Variants in BMPR1B observed in about 807,000 individuals in gnomAD.
BMPR1B encodes the protein bone morphogenetic protein receptor type-1B.
In BMPR1B, 12 loss-of-function variants were observed where a neutral mutation model predicts 59.1. The observed-to-expected ratio is 0.20, with a 90% CI of 0.13 to 0.33. The LOEUF is 0.33. BMPR1B is among the 10% of genes least tolerant of loss of function. The pLI, the probability that BMPR1B is intolerant of heterozygous loss-of-function variation, is 1.00. For synonymous variants in BMPR1B, 237 were observed against 207.3 expected, an observed-to-expected ratio of 1.14 and a Z score of -1.23; for missense variants, 550 against 610.9, an observed-to-expected ratio of 0.90 and a Z score of 1.05.
At chr4:95,109,586 G>A (rs1378945378) in intron 4 of BMPR1B, among the ~76,000 whole-genome samples, 1 of 151,836 alleles carries the variant, frequency 6.6e-6, no homozygotes, top group Non-Finnish European at 1.5e-5. Context: ...TTTTTTCCAC[G>A]GTTGCCCAGG....
intron 2 of BMPR1B, among the ~76,000 whole-genome samples, chr4:94,986,935 G>A (rs941367810): frequency 5.3e-5 from 8 of 151,074 alleles, no homozygotes; most frequent in Non-Finnish European, 8.8e-5. Flanking sequence ...CAGCTACTCG[G>A]GAGGCTGAGG....
chr4:95,091,847 T>G lies in BMPR1B; in HGVS notation c.-17-12561T>G, dbSNP rs546108659. On this transcript the variant is annotated intron_variant, in intron 3 of 12. Coordinates refer to ENST00000515059, the MANE Select transcript of BMPR1B (RefSeq NM_001203.3). ...ATACCATGTAGCCGAACTCTTCTGGTAGTGTATAATTTAGCTTACTTTTAA... is the reference window on the plus strand; with the variant it reads ...ATACCATGTAGCCGAACTCTTCTGGGAGTGTATAATTTAGCTTACTTTTAA... 3.1e-4 allele frequency among the ~76,000 whole-genome samples: 47 copies of G among 152,154 alleles called. No homozygotes were observed. In the South Asian group the frequency reaches 8.7e-3, roughly 28 times the overall value.
intron 4 of BMPR1B, 71 bp from the exon 5 acceptor site, chr4:95,114,645 GACAC>G (rs10622489): frequency 6.3e-4 from 623 of 985,854 alleles, no homozygotes; most frequent in Non-Finnish European, 7.9e-4. Flanking sequence ...TTTTCCCCTA[GACAC>G]ACACACACAC....
intron 1 of BMPR1B, among the ~76,000 whole-genome samples, chr4:94,852,118 A>G (rs984255236): frequency 1.3e-5 from 2 of 152,166 alleles, no homozygotes; most frequent in Non-Finnish European, 2.9e-5. Context: ...ATTATTTCTT[A>G]CAAATACAAA....
intron 1 of BMPR1B, among the ~76,000 whole-genome samples, chr4:94,842,393 A>C (rs141252261): frequency 1.3e-5 from 2 of 152,210 alleles, no homozygotes; most frequent in Admixed American, 1.3e-4. Context: ...ACTATTTGTT[A>C]AATACCACAT....
intron 2 of BMPR1B, among the ~76,000 whole-genome samples, chr4:94,962,897 A>G (rs1427664681): frequency 6.6e-6 from 1 of 152,110 alleles, no homozygotes; most frequent in African/African-American, 2.4e-5. Context: ...GAACCTTCAT[A>G]CTGTTCTCCA....
At chr4:95,031,588 A>G (rs994665445) in intron 3 of BMPR1B, among the ~76,000 whole-genome samples, 4 of 152,238 alleles carry the variant, frequency 2.6e-5, no homozygotes, top group Admixed American at 6.5e-5. Context: ...CTTTTCAAGT[A>G]GCTGGGACTA....
rs923354806 is a variant in BMPR1B at position 94,858,965 on chromosome 4, A to C, written c.-182-16866A>C. 3.3e-5 allele frequency among the ~76,000 whole-genome samples: 5 copies of C among 152,364 alleles called. No individual in the cohort carries two copies. The South Asian group carries it at 1.0e-3, about 32-fold the overall frequency. On this transcript the variant is annotated intron_variant, in intron 1 of 12. Coordinates refer to ENST00000515059, the MANE Select transcript of BMPR1B (RefSeq NM_001203.3). ...TGTTCTATTTTCTCTTTTTCTTTAG[A>C]GATGACTACCTTTGTTTTTGCAATT... is the stretch of plus-strand genomic sequence containing the variant.
intron 10 of BMPR1B, among the ~76,000 whole-genome samples, chr4:95,147,101 T>C (rs1219077465): frequency 6.6e-6 from 1 of 152,152 alleles, no homozygotes; most frequent in African/African-American, 2.4e-5. Context: ...TTTAACGTCT[T>C]AACTTTTATT....
chr4:94,958,564 G>A (rs889497610), intron 2 of BMPR1B, among the ~76,000 whole-genome samples: 5 of 151,976 alleles, frequency 3.3e-5, no homozygotes, highest in Non-Finnish European at 5.9e-5. Context: ...TTATAAGAAC[G>A]CCAGTCATGT....
chr4:95,123,972 C>A, intron 7 of BMPR1B, 66 bp downstream of exon 7: 1 of 1,143,978 alleles, frequency 8.7e-7, no homozygotes, highest in Non-Finnish European at 1.3e-6. Context: ...TAATATTCTG[C>A]TTTTGCCTGT....
At chr4:94,907,071 T>C (rs1728072300) in intron 2 of BMPR1B, among the ~76,000 whole-genome samples, 1 of 152,058 alleles carries the variant, frequency 6.6e-6, no homozygotes, top group African/African-American at 2.4e-5. Context: ...AGTTCTCAGC[T>C]TCAGATCAGT....
At chr4:94,852,624 G>A (rs1725609841) in intron 1 of BMPR1B, among the ~76,000 whole-genome samples, 1 of 151,952 alleles carries the variant, frequency 6.6e-6, no homozygotes, top group Non-Finnish European at 1.5e-5. Context: ...TTAATCAGTA[G>A]CATTTTCTTC....
chr4:94,800,901 T>C (rs1343448819), intron 1 of BMPR1B, among the ~76,000 whole-genome samples: 1 of 152,172 alleles, frequency 6.6e-6, no homozygotes, highest in Non-Finnish European at 1.5e-5. Context: ...ATACAACCTA[T>C]TGTGGTCCTT....
At chr4:95,090,176 T>C (rs943784015) in intron 3 of BMPR1B, among the ~76,000 whole-genome samples, 1 of 152,062 alleles carries the variant, frequency 6.6e-6, no homozygotes, top group Non-Finnish European at 1.5e-5. Context: ...CATATTTTTT[T>C]CTAACAAAAT....
intron 2 of BMPR1B, among the ~76,000 whole-genome samples, chr4:94,880,448 A>G (rs936213965): frequency 3.3e-5 from 5 of 151,986 alleles, no homozygotes; most frequent in Non-Finnish European, 7.4e-5. Context: ...CAGCCTCCTG[A>G]GTAGCAGGGA....
chr4:94,963,347 G>A (rs982514034), intron 2 of BMPR1B, among the ~76,000 whole-genome samples: 6 of 151,880 alleles, frequency 4.0e-5, no homozygotes, highest in Non-Finnish European at 5.9e-5. Context: ...TTTCAGCTTC[G>A]TGTGATCCCA....
chr4:95,153,469 G>GA lies in BMPR1B; in HGVS notation c.1383+705dup, dbSNP rs201486093. 2.4e-3 allele frequency among the ~76,000 whole-genome samples: 366 copies of GA among 149,844 alleles called. 2 individuals are homozygous for GA. Among genetic ancestry groups the GA allele is most frequent in the African/African-American group, 8.2e-3 (335 of 40,808 alleles). ...TCAAGATGAGTTTGAAGCACCACTG[G>GA]AAAAAAAAACAGGCTCTTATCAAAC... On this transcript the variant is annotated intron_variant, in intron 12 of 12. Transcript: ENST00000515059.
intron 2 of BMPR1B, among the ~76,000 whole-genome samples, chr4:94,934,496 T>C (rs1202135283): frequency 6.7e-6 from 1 of 149,346 alleles, no homozygotes; most frequent in African/African-American, 2.5e-5. Context: ...CTAATTTCTC[T>C]CAGGAACAAA....
Sources: gnomAD v4.1 joint callset for allele counts (sites outside exome capture counted in the v4.1 genomes callset) on GRCh38, gnomAD v4.1.1 for gene constraint, MANE v1.5 for transcripts, NCBI Gene and HGNC (gene_info 2026-07-23, HGNC 2026-07-21) for gene names.